The following PDPN variants were observed in gnomAD, a reference collection of about 807,000 sequenced individuals.
PDPN encodes the protein PA2.26 antigen.
A neutral mutation model predicts 23.2 loss-of-function variants in PDPN; 12 were observed. The ratio of observed to expected loss-of-function variants is 0.52; its 90% CI spans 0.33 to 0.84. The LOEUF (loss-of-function observed/expected upper bound fraction) is 0.84. Among genes scored for constraint, PDPN ranks in the 40% least tolerant of loss-of-function variants. The pLI, the probability that PDPN is intolerant of heterozygous loss-of-function variation, is 0.02. For synonymous variants in PDPN, 77 were observed against 76.7 expected, an observed-to-expected ratio of 1.00 and a Z score of -0.02; for missense variants, 199 against 212.2, an observed-to-expected ratio of 0.94 and a Z score of 0.39.
intron 1 of PDPN, among the ~76,000 whole-genome samples, chr1:13,594,776 G>C (rs1640444996): frequency 6.6e-6 from 1 of 151,926 alleles, no homozygotes; most frequent in African/African-American, 2.4e-5. Flanking sequence ...CACCAGGTCA[G>C]GAGATCGAGA....
chr1:13,589,827 A>G (rs1268802260), intron 1 of PDPN, among the ~76,000 whole-genome samples: 1 of 152,124 alleles, frequency 6.6e-6, no homozygotes, highest in Non-Finnish European at 1.5e-5. Context: ...GTATTGATTG[A>G]TTGATTGATT....
In PDPN at chr1:13,614,419, A is replaced by G. The variant is rs754599877; in HGVS notation, c.482+8A>G. 7.6e-7 allele frequency: 1 copy of G among 1,321,660 alleles called. No homozygotes were observed. Among genetic ancestry groups the G allele is most frequent in the South Asian group, 1.2e-5 (1 of 84,882 alleles). The allele number at this position is 1,321,660 out of a possible 1,614,324, so 81.9% of individuals were successfully genotyped here. A position where few individuals can be genotyped will look rare whatever the true frequency, so the allele number is the denominator to read the frequency against. ...AATGTCGGGAAGGTACTCGTAAGTA[A>G]ATAGCTTACACCCATGTGATAGGCA... On this transcript the variant is annotated splice_region_variant and intron_variant, in intron 5 of 5. Coordinates refer to ENST00000621990, the MANE Select transcript of PDPN (RefSeq NM_006474.5).
intron 2 of PDPN, among the ~76,000 whole-genome samples, chr1:13,608,647 G>A (rs1033334300): frequency 3.9e-5 from 6 of 151,936 alleles, no homozygotes; most frequent in Non-Finnish European, 7.4e-5. Flanking sequence ...CAGAGAAAAC[G>A]AACACTTAAA....
Position 13,616,371 on chromosome 1 carries a change from T to A in PDPN, c.*460T>A, listed in dbSNP as rs12136663. 1,880 of 186,784 alleles carry A rather than the reference T, an allele frequency of 0.01. 29 individuals are homozygous for A. Among genetic ancestry groups the A allele is most frequent in the East Asian group, 0.048 (333 of 6,990 alleles). 11.6% of individuals were successfully genotyped at this position (186,784 alleles called of 1,614,324 possible). A position where few individuals can be genotyped will look rare whatever the true frequency, so the allele number is the denominator to read the frequency against. On this transcript the variant is annotated 3_prime_UTR_variant, in exon 6 of 6. Transcript: ENST00000621990. ...AATAGCACCAGCATTTTGCAATTGC[T>A]GATCTGCTGAAATGTACACATTCTG...
intron 4 of PDPN, among the ~76,000 whole-genome samples, chr1:13,613,988 A>T (rs1192135618): frequency 1.3e-5 from 2 of 151,632 alleles, no homozygotes; most frequent in Non-Finnish European, 2.9e-5. Context: ...GTCATATCAC[A>T]GTTCATCATT....
rs1400287765 is a variant in PDPN at position 13,583,975 on chromosome 1, T to C, written c.-59T>C. 6.8e-6 allele frequency: 11 copies of C among 1,613,658 alleles called. No homozygotes were observed. The East Asian group carries it at 1.1e-4, about 16-fold the overall frequency. On this transcript the variant is annotated 5_prime_UTR_variant, in exon 1 of 6. Coordinates refer to ENST00000621990, the MANE Select transcript of PDPN (RefSeq NM_006474.5). The stretch of plus-strand genomic sequence containing the variant: ...CTGTGGCCGCGGTGCTTTTTAATTT[T>C]CCCCCAGCTCAGAATCTTGCTGCTC...
chr1:13,600,805 GAA>G (rs1640623931), intron 1 of PDPN, among the ~76,000 whole-genome samples: 2 of 152,070 alleles, frequency 1.3e-5, no homozygotes, highest in Admixed American at 6.5e-5. Context: ...TGGGTGAAAG[GAA>G]AAGTGGGGAT....
chr1:13,584,675 G>T (rs1207675134), intron 1 of PDPN, among the ~76,000 whole-genome samples: 1 of 152,254 alleles, frequency 6.6e-6, no homozygotes. Flanking sequence ...AGAGAGGATA[G>T]TGTGTGTGGA....
intron 1 of PDPN, among the ~76,000 whole-genome samples, chr1:13,590,790 GT>G (rs1013192556): frequency 6.9e-5 from 10 of 144,876 alleles, no homozygotes; most frequent in Non-Finnish European, 1.1e-4. Flanking sequence ...ATGAATGCTG[GT>G]TGTCAGAAGA....
intron 1 of PDPN, among the ~76,000 whole-genome samples, chr1:13,601,070 G>A (rs1436442841): frequency 1.3e-5 from 2 of 152,192 alleles, no homozygotes; most frequent in Non-Finnish European, 2.9e-5. Context: ...ACAATGCTGC[G>A]TCAGTGCCAG....
intron 1 of PDPN, chr1:13,595,919 C>G: frequency 7.9e-7 from 1 of 1,270,466 alleles, no homozygotes; most frequent in African/African-American, 1.5e-5. Context: ...GTGTTCCGGC[C>G]GGGTGCAGTG....
intron 1 of PDPN, among the ~76,000 whole-genome samples, chr1:13,594,869 C>T (rs1640449604): frequency 2.0e-5 from 3 of 151,664 alleles, no homozygotes. Flanking sequence ...GTGGCGGGCA[C>T]CTGTAGTCCC....
intron 5 of PDPN, among the ~76,000 whole-genome samples, chr1:13,615,187 C>T (rs987396976): frequency 6.6e-6 from 1 of 152,184 alleles, no homozygotes; most frequent in Non-Finnish European, 1.5e-5. Context: ...CTAGCTTTGA[C>T]TGTTGTTGAA....
intron 1 of PDPN, among the ~76,000 whole-genome samples, chr1:13,589,442 T>C (rs1188791783): frequency 6.6e-6 from 1 of 152,234 alleles, no homozygotes; most frequent in East Asian, 1.9e-4. Context: ...ATCTAGATTC[T>C]GAATGGCTGG....
intron 1 of PDPN, among the ~76,000 whole-genome samples, chr1:13,606,365 G>T (rs1014950692): frequency 1.3e-5 from 2 of 152,116 alleles, no homozygotes; most frequent in Admixed American, 1.3e-4. Context: ...GCATATTACT[G>T]ACCCTCCCCT....
chr1:13,584,484 C>G (rs986061230), intron 1 of PDPN: 2 of 588,266 alleles, frequency 3.4e-6, no homozygotes, highest in Admixed American at 3.3e-5. Flanking sequence ...ATACGCACGC[C>G]TCGGGAGAAG....
intron 1 of PDPN, among the ~76,000 whole-genome samples, chr1:13,599,148 C>T: frequency 6.7e-6 from 1 of 149,770 alleles, no homozygotes; most frequent in African/African-American, 2.5e-5. Context: ...GTAGCTGGGA[C>T]TACAGGTGTG....
chr1:13,604,393 A>G (rs1640727941), intron 1 of PDPN, among the ~76,000 whole-genome samples: 1 of 152,124 alleles, frequency 6.6e-6, no homozygotes. Flanking sequence ...TTTCCCATGG[A>G]GCAAAAAGAA....
chr1:13,600,002 G>C (rs1640601442), intron 1 of PDPN, among the ~76,000 whole-genome samples: 1 of 152,184 alleles, frequency 6.6e-6, no homozygotes, highest in African/African-American at 2.4e-5. Context: ...TGAAAGTTTA[G>C]ATTCGTCCAG....
Sources: allele counts gnomAD v4.1 joint callset (sites outside exome capture counted in the v4.1 genomes callset), GRCh38; gene constraint gnomAD v4.1.1; transcripts MANE v1.5; gene names NCBI Gene and HGNC (gene_info 2026-07-23, HGNC 2026-07-21).